Variants in LTBP4 observed in about 807,000 individuals in gnomAD.
LTBP4 encodes the protein latent-transforming growth factor beta-binding protein 4.
Under a neutral mutation model 180.2 loss-of-function variants are expected in LTBP4, and 93 were observed. The ratio of observed to expected loss-of-function variants is 0.52; its 90% CI spans 0.44 to 0.61. LTBP4 has a LOEUF of 0.61. Among genes scored for constraint, LTBP4 ranks in the 20% least tolerant of loss-of-function variants. The probability of loss-of-function intolerance (pLI) is 0.00; values close to 1 mark genes in which losing one functional copy is unlikely to be tolerated. For synonymous variants in LTBP4, 947 were observed against 934.5 expected, an observed-to-expected ratio of 1.01 and a Z score of -0.24; for missense variants, 2,116 against 2,256.5, an observed-to-expected ratio of 0.94 and a Z score of 1.26.
Position 40,619,390 on chromosome 19 carries a change from C to G in LTBP4, c.3114C>G (p.Ala1038=). The G allele has an allele frequency of 6.2e-7, 1 of 1,613,796 alleles. No homozygotes were observed. The highest frequency in any genetic ancestry group is 1.3e-5 in the African/African-American group (1 of 74,976). Residue 1038 remains alanine (A), a synonymous_variant, in exon 22 of 30, where the codon GCC becomes GCG. Transcript: ENST00000396819. The stretch of plus-strand genomic sequence containing the variant: ...CACTACAGGGTGTATGTGGAGCTGC[C>G]CTGTGTGAAAATGTCGAAGGCTCCT... ...CETLQGVCGA[A]LCENVEGSFL... is the part of the protein sequence containing the mutation.
In LTBP4 at chr19:40,627,187, G is replaced by A; in HGVS notation, c.4198G>A (p.Gly1400Arg). Residue 1400 changes from glycine (G) to arginine (R), a missense_variant, in exon 28 of 30, where the codon GGG becomes AGG. Transcript: ENST00000396819. Reference sequence around the variant, plus strand: ...CTTCGCCCGCCGGGAGGCTCCTTATGGGGCACCCCGCTTCGACATGCCAGA... The same window carrying A: ...CTTCGCCCGCCGGGAGGCTCCTTATAGGGCACCCCGCTTCGACATGCCAGA... Reference protein sequence around the residue: ...GPFARREAPYGAPRFDMPDFE... With the variant: ...GPFARREAPYRAPRFDMPDFE... 1 of 1,612,680 alleles carries A rather than the reference G, an allele frequency of 6.2e-7. No homozygotes were observed.
chr19:40,601,289 G>C (rs1287999085), upstream of LTBP4: 2 of 920,132 alleles, frequency 2.2e-6, no homozygotes, highest in South Asian at 5.0e-5. Context: ...GGGCCTGAGC[G>C]GGGGCGCGGG....
In LTBP4 at chr19:40,622,885, C is replaced by A; in HGVS notation, c.3485-65C>A. The A allele has an allele frequency of 6.6e-7, 1 of 1,518,292 alleles. No individual in the cohort carries two copies. The highest frequency in any genetic ancestry group is 9.0e-7 in the Non-Finnish European group (1 of 1,108,782). The allele number at this position is 1,518,292 out of a possible 1,614,324, so 94.1% of individuals were successfully genotyped here. On this transcript the variant is annotated intron_variant, in intron 23 of 29. Coordinates refer to ENST00000396819, the MANE Select transcript of LTBP4 (RefSeq NM_001042545.2). This position sits in a 1 kb window ranked among gnomAD's most constrained non-coding sequence, Gnocchi z 5.1. Reference sequence around the variant, plus strand: ...CAGAGGGACTTTTGTGACAAGTGGGCACGAGCAGGTCAGGGCTGGGGCTGG... The same window carrying A: ...CAGAGGGACTTTTGTGACAAGTGGGAACGAGCAGGTCAGGGCTGGGGCTGG...
chr19:40,616,937 G>A lies in LTBP4; in HGVS notation c.2861G>A (p.Arg954His), dbSNP rs752017387. Residue 954 changes from arginine (R) to histidine (H), a missense_variant, in exon 20 of 30, where the codon CGT (arginine) becomes CAT (histidine). Arg to His is a conservative substitution (Grantham distance 29, BLOSUM62 0). Transcript: ENST00000396819. ...GGTCCCGAGATTTGTGGAGCCCAGC[G>A]TTGTGAGAACACCCCTGGCTCCTAC... Reference protein sequence around the residue: ...EYGPEICGAQRCENTPGSYRC... With the variant: ...EYGPEICGAQHCENTPGSYRC... The A allele has an allele frequency of 2.1e-5, 34 of 1,613,920 alleles. No homozygotes were observed. The highest frequency in any genetic ancestry group is 1.6e-4 in the Middle Eastern group (1 of 6,084).
intron 25 of LTBP4, 83 bp from the exon 26 acceptor site, chr19:40,623,853 T>C: frequency 6.3e-7 from 1 of 1,597,322 alleles, no homozygotes; most frequent in South Asian, 1.1e-5. Flanking sequence ...ACTCCATCCA[T>C]CACACTGCCA....
In LTBP4 at chr19:40,605,779, G is replaced by C; in HGVS notation, c.741G>C (p.Gly247=). The change falls in exon 4 of 30, where the codon GGG becomes GGC. Residue 247 remains glycine, a synonymous_variant. Coordinates refer to ENST00000396819, the MANE Select transcript of LTBP4 (RefSeq NM_001042545.2). This position sits in a 1 kb window ranked among gnomAD's most constrained non-coding sequence, Gnocchi z 5.5. ...GLRTQEVCCR[G]AGLAWGVHDC... is the part of the protein sequence containing the mutation. ...GGACGCAGGAGGTCTGCTGCCGAGG[G>C]GCCGGCTTGGCCTGGGGCGTTCACG... The C allele has an allele frequency of 6.5e-7, 1 of 1,542,012 alleles. No homozygotes were observed. Among genetic ancestry groups the C allele is most frequent in the Non-Finnish European group, 8.7e-7 (1 of 1,146,756 alleles).
Position 40,605,706 on chromosome 19 carries a change from G to C in LTBP4, c.691-23G>C. On this transcript the variant is annotated intron_variant, in intron 3 of 29. Coordinates refer to ENST00000396819, the MANE Select transcript of LTBP4 (RefSeq NM_001042545.2). This position sits in a 1 kb window ranked among gnomAD's most constrained non-coding sequence, Gnocchi z 5.5. ...GGAGCTTGCCTCCGCGCGGGGGCGC[G>C]CTCACCCAACACTTCCCCGCAGTGC... is the stretch of plus-strand genomic sequence containing the variant. 1 of 1,547,246 alleles carries C rather than the reference G, an allele frequency of 6.5e-7. No individual in the cohort carries two copies. The highest frequency in any genetic ancestry group is 1.4e-5 in the African/African-American group (1 of 73,134).
Position 40,625,788 on chromosome 19 carries a change from G to A in LTBP4, c.3833-69G>A. 1.4e-6 allele frequency: 2 copies of A among 1,384,256 alleles called. 1 individual carries two copies. Among genetic ancestry groups the A allele is most frequent in the Admixed American group, 5.7e-5 (2 of 35,024 alleles). 85.7% of individuals were successfully genotyped at this position (1,384,256 alleles called of 1,614,324 possible). A position where few individuals can be genotyped will look rare whatever the true frequency, so the allele number is the denominator to read the frequency against. On this transcript the variant is annotated intron_variant, in intron 26 of 29. Transcript: ENST00000396819. ...GAGGGTGCCTGGGCTGCTCAGCAGG[G>A]GAAGGGTCCAGCCCCTGGGAGGACC...
intron 1 of LTBP4, among the ~76,000 whole-genome samples, chr19:40,596,066 G>A (rs1158610640): frequency 6.6e-6 from 1 of 151,136 alleles, no homozygotes; most frequent in Non-Finnish European, 1.5e-5. Context: ...GATTACAGGC[G>A]CCCACCACTG....
At position 40,613,245 on chromosome 19, in the gene LTBP4, T is replaced by A; in HGVS notation, c.2431+49T>A. 1 of 1,546,528 alleles carries A rather than the reference T, an allele frequency of 6.5e-7. No homozygotes were observed. ...GAGAGTCTGGGAGTAGGGCCTGGGT[T>A]CCAGGGCAAAGCCGGCTGGAAAGGT... is the stretch of plus-strand genomic sequence containing the variant. On this transcript the variant is annotated intron_variant, in intron 16 of 29. Coordinates refer to ENST00000396819, the MANE Select transcript of LTBP4 (RefSeq NM_001042545.2). This position sits in a 1 kb window ranked among gnomAD's most constrained non-coding sequence, Gnocchi z 5.0.
At chr19:40,614,983 A>G (rs1208129923) in intron 19 of LTBP4, among the ~76,000 whole-genome samples, 5 of 152,092 alleles carry the variant, frequency 3.3e-5, no homozygotes, top group Non-Finnish European at 5.9e-5. Flanking sequence ...CTCTCTAGAC[A>G]GGGCTTTCCA....
In LTBP4 at chr19:40,622,996, C is replaced by T; in HGVS notation, c.3531C>T (p.Pro1177=). Residue 1177 remains proline (P), a synonymous_variant, in exon 24 of 30, where the codon CCC becomes CCT. Coordinates refer to ENST00000396819, the MANE Select transcript of LTBP4 (RefSeq NM_001042545.2). This position sits in a 1 kb window ranked among gnomAD's most constrained non-coding sequence, Gnocchi z 5.1. Reference sequence around the variant, plus strand: ...CTCACGGCCGGGGCTACCTGGCGCCCAGTGGAGACCTGAGCCTCCGGAGAG... The same window carrying T: ...CTCACGGCCGGGGCTACCTGGCGCCTAGTGGAGACCTGAGCCTCCGGAGAG... ...LCPHGRGYLA[P]SGDLSLRRDV... is the part of the protein sequence containing the mutation. 6.2e-7 allele frequency: 1 copy of T among 1,612,592 alleles called. No homozygotes were observed. The highest frequency in any genetic ancestry group is 8.5e-7 in the Non-Finnish European group (1 of 1,179,428).
intron 22 of LTBP4, among the ~76,000 whole-genome samples, chr19:40,620,457 A>AT (rs35660397): frequency 2.4e-4 from 36 of 147,002 alleles, no homozygotes; most frequent in East Asian, 1.2e-3. Flanking sequence ...AGGCTGCAGT[A>AT]TTTTTTTTTT....
rs1221409288 is a variant in LTBP4 at position 40,622,607 on chromosome 19, A to G, written c.3424A>G (p.Thr1142Ala). The G allele has an allele frequency of 1.2e-6, 2 of 1,612,984 alleles. No individual in the cohort carries two copies. Among genetic ancestry groups the G allele is most frequent in the Admixed American group, 1.7e-5 (1 of 59,986 alleles). ...TGTGACATGGCAGGAGTGCTGCTGT[A>G]CTGTGGGTGAGGGCTGGGGCAGCGG... ...RNVTWQECCCTVGEGWGSGCR... is the reference protein window; with the variant it reads ...RNVTWQECCCAVGEGWGSGCR... Residue 1142 changes from threonine to alanine, a missense_variant, in exon 23 of 30, where the codon ACT becomes GCT. This residue lies in a region of LTBP4 where 278 missense variants were observed against 373.0 expected (regional missense o/e 0.75). Transcript: ENST00000396819. This position sits in a 1 kb window ranked among gnomAD's most constrained non-coding sequence, Gnocchi z 5.1.
At chr19:40,626,909 G>C in intron 27 of LTBP4, 66 bp from the exon 28 acceptor site, 1 of 1,479,292 alleles carries the variant, frequency 6.8e-7, no homozygotes, top group Non-Finnish European at 8.9e-7. Flanking sequence ...CTCCCAAGGG[G>C]GGTATGTGAG....
rs2146022494 is a variant in LTBP4 at position 40,606,480 on chromosome 19, G to A, written c.945G>A (p.Val315=). ...ACACGCGCGGCGGGTACACGTGTGT[G>A]TGCCCCGACGGCTTTCTGCTCGACT... ...CANTRGGYTC[V]CPDGFLLDSS... is the part of the protein sequence containing the mutation. The change falls in exon 6 of 30, where the codon GTG becomes GTA. Residue 315 remains valine, a synonymous_variant. Coordinates refer to ENST00000396819, the MANE Select transcript of LTBP4 (RefSeq NM_001042545.2). 6.3e-7 allele frequency: 1 copy of A among 1,579,060 alleles called. No homozygotes were observed. Among genetic ancestry groups the A allele is most frequent in the Non-Finnish European group, 8.6e-7 (1 of 1,163,690 alleles).
At chr19:40,600,236 C>T, upstream of LTBP4, 3 of 1,034,976 alleles carry the variant, frequency 2.9e-6, no homozygotes, top group Non-Finnish European at 3.8e-6. The surrounding 1 kb of genome is among the most constrained non-coding windows in gnomAD (Gnocchi z 4.4). Flanking sequence ...CAGATAAAGC[C>T]GTCTGGTTCC....
intron 19 of LTBP4, among the ~76,000 whole-genome samples, chr19:40,614,655 C>T (rs1305879137): frequency 1.3e-5 from 2 of 152,184 alleles, no homozygotes; most frequent in Non-Finnish European, 2.9e-5. Flanking sequence ...CTTCCAGCCG[C>T]AGTCCATTCC....
At chr19:40,607,648 C>A (rs1325274568) in intron 7 of LTBP4, 119 bp downstream of exon 7, 8 of 1,172,082 alleles carry the variant, frequency 6.8e-6, no homozygotes, top group Middle Eastern at 3.0e-4. Context: ...CAGCCTTGGC[C>A]ACGCAGCAGC....
Sources: allele counts gnomAD v4.1 joint callset (sites outside exome capture counted in the v4.1 genomes callset), GRCh38; gene constraint gnomAD v4.1.1; regional missense constraint gnomAD v4.1.1; non-coding constraint Gnocchi (gnomAD v3.1); transcripts MANE v1.5; gene names NCBI Gene and HGNC (gene_info 2026-07-23, HGNC 2026-07-21).